ARID1B: variants seen among roughly 807,000 people sequenced by gnomAD.
ARID1B encodes AT-rich interactive domain-containing protein 1B.
In ARID1B, 30 loss-of-function variants were observed where a neutral mutation model predicts 212.3. The observed-to-expected ratio is 0.14, with a 90% CI of 0.11 to 0.19. ARID1B has a LOEUF of 0.19. Among genes scored for constraint, ARID1B ranks in the 10% least tolerant of loss-of-function variants. The pLI is 1.00. For synonymous variants in ARID1B, 1,402 were observed against 1,301.7 expected (o/e 1.08, Z -1.66); for missense variants, 2,891 against 3,204.0 (o/e 0.90, Z 2.36).
At chr6:156,871,468 G>A (rs2128144778) in intron 2 of ARID1B, 1 of 671,784 alleles carries the variant, frequency 1.5e-6, no homozygotes, top group East Asian at 2.7e-5. Flanking sequence ...TGGTGGAGAA[G>A]GCCTGATACA....
intron 4 of ARID1B, among the ~76,000 whole-genome samples, chr6:156,953,780 A>T (rs1488413793): frequency 6.6e-6 from 1 of 152,326 alleles, no homozygotes; most frequent in Admixed American, 6.5e-5. Context: ...TGCTATGGTG[A>T]CAGGGTGGGT....
intron 2 of ARID1B, among the ~76,000 whole-genome samples, chr6:156,881,661 C>T (rs2128169286): frequency 6.6e-6 from 1 of 152,250 alleles, no homozygotes; most frequent in East Asian, 1.9e-4. Context: ...GGTGGATCTC[C>T]AGTGTTCCTG....
At chr6:157,117,401 T>C (rs1787389436) in intron 6 of ARID1B, among the ~76,000 whole-genome samples, 1 of 152,248 alleles carries the variant, frequency 6.6e-6, no homozygotes, top group Non-Finnish European at 1.5e-5. Flanking sequence ...TTAGCTTCTT[T>C]ACAAAGTCTG....
intron 4 of ARID1B, among the ~76,000 whole-genome samples, chr6:156,979,384 G>T (rs1228739551): frequency 6.6e-6 from 1 of 152,158 alleles, no homozygotes; most frequent in Non-Finnish European, 1.5e-5. Context: ...GCCATGGGGA[G>T]AAATTACCTG....
intron 7 of ARID1B, among the ~76,000 whole-genome samples, chr6:157,135,515 T>G (rs546049100): frequency 6.6e-6 from 1 of 152,310 alleles, no homozygotes; most frequent in Non-Finnish European, 1.5e-5. Flanking sequence ...CACCCTTTTC[T>G]CCTCTCCTGA....
At chr6:156,887,972 T>C (rs532698255) in intron 2 of ARID1B, among the ~76,000 whole-genome samples, 1 of 152,212 alleles carries the variant, frequency 6.6e-6, no homozygotes, top group Non-Finnish European at 1.5e-5. Flanking sequence ...TTTAAAATTC[T>C]AGTCCTCTTC....
At chr6:156,776,941 GGA>G (rs1403484595), upstream of ARID1B, 2 of 152,172 alleles carry the variant, frequency 1.3e-5, no homozygotes, top group African/African-American at 4.8e-5. Flanking sequence ...ATAACTCCTG[GGA>G]GAGACCGTGC....
chr6:157,038,755 T>C (rs900375921), intron 4 of ARID1B, among the ~76,000 whole-genome samples: 1 of 152,218 alleles, frequency 6.6e-6, no homozygotes, highest in Non-Finnish European at 1.5e-5. Flanking sequence ...GGTCAGTTCT[T>C]AGGAGCTCAT....
At chr6:156,983,367 C>T (rs1777734874) in intron 4 of ARID1B, among the ~76,000 whole-genome samples, 1 of 152,184 alleles carries the variant, frequency 6.6e-6, no homozygotes, top group Non-Finnish European at 1.5e-5. Flanking sequence ...TACACTCCAG[C>T]CTGGGCGACA....
upstream of ARID1B, chr6:156,776,762 GCAGT>G (rs941087128): frequency 1.3e-5 from 2 of 152,238 alleles, no homozygotes; most frequent in South Asian, 2.1e-4. Flanking sequence ...TGGGGCGGGT[GCAGT>G]CAGTCATAAG....
intron 2 of ARID1B, among the ~76,000 whole-genome samples, chr6:156,880,490 C>T (rs1227686582): frequency 2.0e-5 from 3 of 152,100 alleles, no homozygotes; most frequent in African/African-American, 7.2e-5. Context: ...GTAATCCCAG[C>T]ACTTTGGGAG....
intron 1 of ARID1B, among the ~76,000 whole-genome samples, chr6:156,780,906 A>G (rs1779211566): frequency 6.6e-6 from 1 of 152,242 alleles, no homozygotes; most frequent in African/African-American, 2.4e-5. Flanking sequence ...GGATTTGTAA[A>G]GCCTTTATAA....
At chr6:156,846,579 G>T (rs1400024192) in intron 2 of ARID1B, among the ~76,000 whole-genome samples, 1 of 152,084 alleles carries the variant, frequency 6.6e-6, no homozygotes, top group Non-Finnish European at 1.5e-5. Flanking sequence ...GTGGGGAGAG[G>T]ATTGGGCCAT....
At chr6:156,780,921 C>T (rs1270458903) in intron 1 of ARID1B, among the ~76,000 whole-genome samples, 1 of 152,194 alleles carries the variant, frequency 6.6e-6, no homozygotes, top group Non-Finnish European at 1.5e-5. Flanking sequence ...TTATAAAAGT[C>T]TTCCCTTTAC....
Position 156,778,775 on chromosome 6 carries a change from C to A in ARID1B, c.1095C>A (p.Pro365=), listed in dbSNP as rs971859263. Residue 365 remains proline (P), a synonymous_variant, in exon 1 of 20, where the codon CCC becomes CCA. Coordinates refer to ENST00000636930, the MANE Select transcript of ARID1B (RefSeq NM_001374828.1). ...AAAGAPGSMD[P]LQNSHEGYPN... ...CCGGGGCCCCCGGCAGCATGGACCC[C>A]CTGCAGAACTCCCACGAAGGGTACC... The A allele has an allele frequency of 1.6e-5, 24 of 1,515,012 alleles. No individual in the cohort carries two copies. Among genetic ancestry groups the A allele is most frequent in the Non-Finnish European group, 2.0e-5 (23 of 1,129,706 alleles). The allele number at this position is 1,515,012 out of a possible 1,614,324, so 93.8% of individuals were successfully genotyped here. A position where few individuals can be genotyped will look rare whatever the true frequency, so the allele number is the denominator to read the frequency against.
intron 12 of ARID1B, among the ~76,000 whole-genome samples, chr6:157,182,131 C>A (rs1792590492): frequency 6.6e-6 from 1 of 152,164 alleles, no homozygotes; most frequent in Non-Finnish European, 1.5e-5. Flanking sequence ...CACCTACAGT[C>A]CCAGCTGTTC....
chr6:156,838,709 T>TATAATAATAATA (rs35310749), intron 2 of ARID1B, among the ~76,000 whole-genome samples: 8,163 of 145,786 alleles, frequency 0.056, 273 homozygotes, highest in Admixed American at 0.077. Context: ...GAACTTAAAG[T>TATAATAATAATA]ATAATAATAA....
chr6:156,828,326 A>G (rs1027232258), intron 1 of ARID1B, among the ~76,000 whole-genome samples: 5 of 152,116 alleles, frequency 3.3e-5, no homozygotes, highest in Admixed American at 6.5e-5. Flanking sequence ...GTCCCCATGT[A>G]CTTACCTCAG....
intron 4 of ARID1B, chr6:156,937,519 A>G (rs891726792): frequency 6.6e-6 from 1 of 152,224 alleles, no homozygotes; most frequent in African/African-American, 2.4e-5. Context: ...ATCTACTCAG[A>G]AACTTCAGCA....
Sources: gnomAD v4.1 joint callset for allele counts (sites outside exome capture counted in the v4.1 genomes callset) on GRCh38, gnomAD v4.1.1 for gene constraint, MANE v1.5 for transcripts, NCBI Gene and HGNC (gene_info 2026-07-23, HGNC 2026-07-21) for gene names.